The following ING5 variants were observed in gnomAD, a reference collection of about 807,000 sequenced individuals.
The protein encoded by ING5 is inhibitor of growth protein 5.
Under a neutral mutation model 37.4 loss-of-function variants are expected in ING5, and 17 were observed. The observed-to-expected ratio is 0.45, with a 90% CI of 0.31 to 0.68. The LOEUF is 0.68. ING5 is among the 30% of genes least tolerant of loss of function. The pLI is 0.05. For missense variants in ING5, 233 were observed against 311.9 expected, an observed-to-expected ratio of 0.75 and a Z score of 1.91; for synonymous variants, 123 against 116.6, an observed-to-expected ratio of 1.06 and a Z score of -0.36.
chr2:241,696,340 G>A (rs755547523), intron 2 of ING5, among the ~76,000 whole-genome samples: 12 of 152,038 alleles, frequency 7.9e-5, no homozygotes, highest in African/African-American at 1.9e-4. Flanking sequence ...GCAACAAGCC[G>A]GGATCTCGCC....
At chr2:241,711,162 T>C (rs1434080959) in intron 3 of ING5, among the ~76,000 whole-genome samples, 2 of 152,212 alleles carry the variant, frequency 1.3e-5, no homozygotes, top group Non-Finnish European at 2.9e-5. Context: ...TTTCCCTAAA[T>C]GGGATTTATT....
intron 1 of ING5, among the ~76,000 whole-genome samples, chr2:241,689,368 C>CTTA (rs1178207879): frequency 6.6e-6 from 1 of 152,218 alleles, no homozygotes; most frequent in Non-Finnish European, 1.5e-5. Flanking sequence ...CGTCAGCCTC[C>CTTA]CTAAGTGCTG....
At chr2:241,720,582 T>G in intron 5 of ING5, 2 of 986,600 alleles carry the variant, frequency 2.0e-6, no homozygotes. Context: ...CTGTAGCACC[T>G]GGAATCCCGG....
At chr2:241,695,886 CAAAGCAGGGTGAGT>C (rs2069622733) in intron 2 of ING5, among the ~76,000 whole-genome samples, 1 of 152,130 alleles carries the variant, frequency 6.6e-6, no homozygotes. Flanking sequence ...GTCAGTGGGA[CAAAGCAGGGTGAGT>C]AAAGCAGGGC....
rs756385284 is a variant in ING5 at position 241,725,007 on chromosome 2, C to T, written c.699C>T (p.Val233=). ...PKGKWFCPRC[V]QEKRKKK is the part of the protein sequence containing the mutation. The stretch of plus-strand genomic sequence containing the variant: ...GTCACAGGTTCTGTCCACGGTGTGT[C>T]CAGGAAAAGAGGAAGAAGAAGTAGG... The change falls in exon 8 of 8, where the codon GTC becomes GTT. Residue 233 remains valine, a synonymous_variant. Coordinates refer to ENST00000313552, the MANE Select transcript of ING5 (RefSeq NM_032329.6). The T allele has an allele frequency of 1.2e-6, 2 of 1,614,072 alleles. No homozygotes were observed. The highest frequency in any genetic ancestry group is 8.5e-7 in the Non-Finnish European group (1 of 1,179,962).
At chr2:241,718,353 T>C (rs1351162199) in intron 5 of ING5, among the ~76,000 whole-genome samples, 10 of 127,562 alleles carry the variant, frequency 7.8e-5, no homozygotes, top group Admixed American at 4.8e-4. Context: ...TCCTTCCTCC[T>C]TCCCTCCCTC....
chr2:241,702,693 G>T (rs1162143399), intron 1 of ING5, among the ~76,000 whole-genome samples: 1 of 152,252 alleles, frequency 6.6e-6, no homozygotes, highest in Non-Finnish European at 1.5e-5. Context: ...TGGTGGGCGG[G>T]CTGTGCTGTT....
upstream of ING5, among the ~76,000 whole-genome samples, chr2:241,699,493 C>T (rs1464181393): frequency 6.6e-6 from 1 of 152,148 alleles, no homozygotes; most frequent in Non-Finnish European, 1.5e-5. Context: ...TCACTGCAGC[C>T]TAGACCTCCT....
chr2:241,705,768 G>A (rs1171429356), intron 2 of ING5, among the ~76,000 whole-genome samples: 1 of 152,118 alleles, frequency 6.6e-6, no homozygotes, highest in Admixed American at 6.6e-5. Flanking sequence ...TCTCTCGTCA[G>A]TTTTAGACGT....
At chr2:241,692,148 CGCA>C (rs775645315) in intron 2 of ING5, among the ~76,000 whole-genome samples, 18 of 152,286 alleles carry the variant, frequency 1.2e-4, no homozygotes, top group Non-Finnish European at 8.8e-5. Context: ...TTGCAGCACA[CGCA>C]GCACCAGTCA....
chr2:241,708,666 T>C (rs1044668040), intron 2 of ING5, among the ~76,000 whole-genome samples: 2 of 152,182 alleles, frequency 1.3e-5, no homozygotes, highest in Non-Finnish European at 2.9e-5. Context: ...TGGCTGTAGT[T>C]TGCTCTTTTT....
rs1289510331 is a variant in ING5, at chr2:241,723,065, C to T, written c.609C>T (p.Asp203=). The T allele has an allele frequency of 1.9e-6, 3 of 1,614,226 alleles. No individual in the cohort carries two copies. The South Asian group carries it at 3.3e-5, about 18-fold the overall frequency. Residue 203 remains aspartate, a synonymous_variant, in exon 6 of 8, where the codon GAC becomes GAT. Transcript: ENST00000313552. ...QVSYGEMIGC[D]NPDCPIEWFH... ...CCTATGGGGAGATGATTGGCTGTGA[C>T]AATCCAGACGTGAGTGTCGCCTGCA...
At chr2:241,707,332 C>A (rs912548677) in intron 2 of ING5, among the ~76,000 whole-genome samples, 1 of 151,752 alleles carries the variant, frequency 6.6e-6, no homozygotes, top group Non-Finnish European at 1.5e-5. Flanking sequence ...CTCTTGTTGT[C>A]CAGGCTGGAG....
intron 2 of ING5, chr2:241,708,985 A>G: frequency 2.6e-6 from 1 of 384,852 alleles, no homozygotes; most frequent in East Asian, 4.1e-5. Flanking sequence ...TGTAACATTC[A>G]GAGCTGGGAC....
At chr2:241,707,692 A>G (rs936849491) in intron 2 of ING5, among the ~76,000 whole-genome samples, 1 of 152,220 alleles carries the variant, frequency 6.6e-6, no homozygotes, top group African/African-American at 2.4e-5. Flanking sequence ...GAAATGTAAC[A>G]TATATTCAGG....
intron 2 of ING5, among the ~76,000 whole-genome samples, chr2:241,706,956 AT>A (rs35471600): frequency 3.4e-3 from 406 of 120,738 alleles, no homozygotes; most frequent in African/African-American, 0.011. Flanking sequence ...TGGTGTGGCA[AT>A]TTTTTTTTTT....
At chr2:241,697,525 C>A (rs945934139), upstream of ING5, among the ~76,000 whole-genome samples, 2 of 151,800 alleles carry the variant, frequency 1.3e-5, no homozygotes, top group Non-Finnish European at 2.9e-5. Flanking sequence ...AGCTATTAAG[C>A]CACGGAAAGG....
intron 1 of ING5, among the ~76,000 whole-genome samples, chr2:241,703,701 G>T (rs2069813963): frequency 6.6e-6 from 1 of 152,032 alleles, no homozygotes; most frequent in Non-Finnish European, 1.5e-5. Context: ...CACCTCCCAG[G>T]TTCAAGCAAT....
chr2:241,716,501 G>T (rs951635070), intron 5 of ING5, among the ~76,000 whole-genome samples: 3 of 144,916 alleles, frequency 2.1e-5, no homozygotes, highest in Admixed American at 7.5e-5. Flanking sequence ...CACCATTTTG[G>T]CCAGGCTGGT....
Sources: gnomAD v4.1 joint callset for allele counts (sites outside exome capture counted in the v4.1 genomes callset) on GRCh38, gnomAD v4.1.1 for gene constraint, MANE v1.5 for transcripts, NCBI Gene and HGNC (gene_info 2026-07-23, HGNC 2026-07-21) for gene names.